The following WWOX variants were observed in gnomAD, a reference collection of about 807,000 sequenced individuals.
WWOX encodes WW domain containing oxidoreductase.
WWOX carries 69 observed loss-of-function variants against 46.2 expected under a neutral mutation model. That is an observed-to-expected ratio of 1.49 (90% CI 1.23 to 1.82). WWOX has a LOEUF of 1.82. WWOX is among the 40% of genes most tolerant of loss of function. WWOX has a pLI of 0.00. For missense variants in WWOX, 919 were observed against 542.6 expected (o/e 1.69, Z -6.89); for synonymous variants, 359 against 202.6 (o/e 1.77, Z -6.56).
At chr16:78,472,809 C>CAAAAA (rs756666392) in intron 8 of WWOX, among the ~76,000 whole-genome samples, 12 of 50,890 alleles carry the variant, frequency 2.4e-4, no homozygotes, top group Admixed American at 8.8e-4. Context: ...AACTCCATCT[C>CAAAAA]AAAAAAAAAA....
intron 5 of WWOX, among the ~76,000 whole-genome samples, chr16:78,364,082 T>C (rs1192356156): frequency 6.6e-6 from 1 of 152,218 alleles, no homozygotes; most frequent in Non-Finnish European, 1.5e-5. Flanking sequence ...TGAAGGTTCC[T>C]TCAGAGCTAG....
At chr16:78,857,794 C>T (rs1480887111) in intron 8 of WWOX, among the ~76,000 whole-genome samples, 1 of 152,146 alleles carries the variant, frequency 6.6e-6, no homozygotes, top group African/African-American at 2.4e-5. Context: ...AAAAGAACAT[C>T]TGCTGTTTAT....
At chr16:78,388,562 G>A (rs142772947) in intron 6 of WWOX, among the ~76,000 whole-genome samples, 2,909 of 147,622 alleles carry the variant, frequency 0.02, 92 homozygotes, top group African/African-American at 0.068. Context: ...CAGGAAAATC[G>A]CTTGAACCTG....
intron 8 of WWOX, among the ~76,000 whole-genome samples, chr16:78,687,863 C>T (rs1478782169): frequency 1.3e-5 from 2 of 152,050 alleles, no homozygotes; most frequent in Admixed American, 6.6e-5. Flanking sequence ...TGCATTAGAA[C>T]AGATTAAAAA....
At chr16:78,837,666 T>C (rs1331755629) in intron 8 of WWOX, among the ~76,000 whole-genome samples, 1 of 152,218 alleles carries the variant, frequency 6.6e-6, no homozygotes, top group African/African-American at 2.4e-5. Context: ...TTGTATCTTA[T>C]ACCAAGAAAG....
At chr16:78,575,046 T>TATAA (rs1567655099) in intron 8 of WWOX, among the ~76,000 whole-genome samples, 5 of 8,378 alleles carry the variant, frequency 6.0e-4, no homozygotes, top group Non-Finnish European at 9.5e-4. Context: ...TATATATATA[T>TATAA]ATATATATAT....
In WWOX at chr16:78,278,126, G is replaced by A. The variant is rs115081628; in HGVS notation, c.517-108734G>A. On this transcript the variant is annotated intron_variant, in intron 5 of 8. Transcript: ENST00000566780. ...TGTTTCTCTCCAGGATCTCATTGGCGGTTTGCTGGTATTATATTGCCATTT... is the reference window on the plus strand; with the variant it reads ...TGTTTCTCTCCAGGATCTCATTGGCAGTTTGCTGGTATTATATTGCCATTT... 3.6e-3 allele frequency among the ~76,000 whole-genome samples: 548 copies of A among 152,186 alleles called. 4 individuals carry two copies. Among genetic ancestry groups the A allele is most frequent in the African/African-American group, 0.012 (517 of 41,514 alleles).
intron 8 of WWOX, among the ~76,000 whole-genome samples, chr16:78,749,348 T>A (rs2049423674): frequency 6.6e-6 from 1 of 152,084 alleles, no homozygotes; most frequent in Non-Finnish European, 1.5e-5. Flanking sequence ...CAGCTGAAAT[T>A]CAAAACAAAA....
At position 78,527,594 on chromosome 16, in the gene WWOX, A is replaced by G. The variant is rs1177028469; in HGVS notation, c.1056+94842A>G. ...CAGGCATGAGCCATCGCGCCCAGCC[A>G]GACTTGTATCTCTTAATGAGTTTAA... On this transcript the variant is annotated intron_variant, in intron 8 of 8. Transcript: ENST00000566780. 1.3e-5 allele frequency among the ~76,000 whole-genome samples: 2 copies of G among 152,134 alleles called. 1 individual carries two copies. The highest frequency in any genetic ancestry group is 2.9e-5 in the Non-Finnish European group (2 of 68,028).
intron 8 of WWOX, among the ~76,000 whole-genome samples, chr16:78,934,703 T>C (rs1483774833): frequency 6.6e-6 from 1 of 152,090 alleles, no homozygotes; most frequent in East Asian, 1.9e-4. Flanking sequence ...ATTTAAACTC[T>C]TATTTGACAG....
At chr16:78,596,654 C>T (rs752019277) in intron 8 of WWOX, among the ~76,000 whole-genome samples, 9 of 152,114 alleles carry the variant, frequency 5.9e-5, no homozygotes, top group Non-Finnish European at 8.8e-5. Flanking sequence ...GTGGGGAGAA[C>T]ACGGACTGTG....
chr16:78,591,695 G>T (rs2045355817), intron 8 of WWOX, among the ~76,000 whole-genome samples: 1 of 152,172 alleles, frequency 6.6e-6, no homozygotes, highest in African/African-American at 2.4e-5. Context: ...CCTGTTACAG[G>T]GAGAAAAGAC....
At chr16:78,139,754 C>T (rs1425693910) in intron 4 of WWOX, among the ~76,000 whole-genome samples, 1 of 152,118 alleles carries the variant, frequency 6.6e-6, no homozygotes, top group Admixed American at 6.5e-5. Context: ...GAGAAAAAGA[C>T]ATATTTATGC....
intron 8 of WWOX, among the ~76,000 whole-genome samples, chr16:79,002,455 T>C (rs2047112598): frequency 6.6e-6 from 1 of 152,030 alleles, no homozygotes; most frequent in Non-Finnish European, 1.5e-5. Context: ...ACTCCTGACC[T>C]CAGGTGATCC....
At chr16:78,453,743 A>T (rs1369936216) in intron 8 of WWOX, among the ~76,000 whole-genome samples, 5 of 152,204 alleles carry the variant, frequency 3.3e-5, no homozygotes, top group Non-Finnish European at 4.4e-5. Flanking sequence ...GGTGAATTCC[A>T]TTAAGTCAAT....
intron 5 of WWOX, among the ~76,000 whole-genome samples, chr16:78,222,208 G>A (rs2036910508): frequency 1.3e-5 from 2 of 152,166 alleles, no homozygotes; most frequent in Non-Finnish European, 2.9e-5. Context: ...GGGGGCACGA[G>A]GGGCTAAGCT....
At chr16:79,044,187 GC>G (rs1481147051) in intron 8 of WWOX, among the ~76,000 whole-genome samples, 2 of 152,156 alleles carry the variant, frequency 1.3e-5, no homozygotes, top group African/African-American at 4.8e-5. Flanking sequence ...GAGTCTTCAG[GC>G]CCACAGTGTA....
chr16:78,394,152 G>C (rs1365048109), intron 6 of WWOX, among the ~76,000 whole-genome samples: 4 of 151,986 alleles, frequency 2.6e-5, no homozygotes, highest in Admixed American at 6.6e-5. Flanking sequence ...CCCTAGCTCG[G>C]TTTTAAGAAT....
intron 8 of WWOX, among the ~76,000 whole-genome samples, chr16:78,662,089 G>A (rs1444876857): frequency 1.3e-5 from 2 of 152,048 alleles, no homozygotes; most frequent in Non-Finnish European, 2.9e-5. Context: ...GGTGGTGGTG[G>A]TGGTAGTAGT....
Sources: allele counts gnomAD v4.1 joint callset (sites outside exome capture counted in the v4.1 genomes callset), GRCh38; gene constraint gnomAD v4.1.1; transcripts MANE v1.5; gene names NCBI Gene and HGNC (gene_info 2026-07-23, HGNC 2026-07-21).